Variants in SEL1L3 observed in about 807,000 individuals in gnomAD.
SEL1L3 encodes the protein protein sel-1 homolog 3.
In SEL1L3, 76 loss-of-function variants were observed where a neutral mutation model predicts 142.8. That is an observed-to-expected ratio of 0.53 (90% CI 0.44 to 0.64). SEL1L3 has a LOEUF of 0.64. Among genes scored for constraint, SEL1L3 ranks in the 30% least tolerant of loss-of-function variants. The probability of loss-of-function intolerance (pLI) is 0.00; values close to 1 mark genes in which losing one functional copy is unlikely to be tolerated. For missense variants in SEL1L3, 1,262 were observed against 1,381.7 expected (o/e 0.91, Z 1.37); for synonymous variants, 504 against 519.6 (o/e 0.97, Z 0.41).
At chr4:25,801,000 C>G (rs1470648284) in intron 11 of SEL1L3, among the ~76,000 whole-genome samples, 2 of 152,212 alleles carry the variant, frequency 1.3e-5, no homozygotes, top group Non-Finnish European at 2.9e-5. Context: ...AGGGGCAGAG[C>G]TGGGAACCAG....
chr4:25,862,958 C>T lies in SEL1L3; in HGVS notation c.-122G>A, dbSNP rs1717842520. ...GGCCGCCGCGCGCGGGGCCACCTGC[C>T]GCCACCTCCGGACCCGCCGCCGCCG... On this transcript the variant is annotated 5_prime_UTR_variant, in exon 1 of 24. Transcript: ENST00000399878. The T allele has an allele frequency of 3.1e-6, 2 of 636,654 alleles. No individual in the cohort carries two copies. The highest frequency in any genetic ancestry group is 3.9e-6 in the Non-Finnish European group (2 of 513,486). The allele number at this position is 636,654 out of a possible 1,614,324, so 39.4% of individuals were successfully genotyped here.
chr4:25,774,028 C>T (rs771944793), intron 17 of SEL1L3, among the ~76,000 whole-genome samples: 5 of 152,198 alleles, frequency 3.3e-5, no homozygotes, highest in Non-Finnish European at 7.3e-5. Context: ...CCTCTATTCA[C>T]CTTAGTTCAT....
Position 25,748,461 on chromosome 4 carries a change from C to G in SEL1L3, c.3363G>C (p.Gln1121His), listed in dbSNP as rs565674892. 7 of 1,611,778 alleles carry G rather than the reference C, an allele frequency of 4.3e-6. No individual in the cohort carries two copies. In the African/African-American group the frequency reaches 5.3e-5, roughly 12 times the overall value. Residue 1121 changes from glutamine to histidine, a missense_variant, in exon 24 of 24, where the codon CAG (glutamine) becomes CAC (histidine). Coordinates refer to ENST00000399878, the MANE Select transcript of SEL1L3 (RefSeq NM_015187.5). ...GCTCCGGGTTATTAGTTACTGTGGGCTGGTCTTGGTCAGAGGCATCTGCAG... is the reference window on the plus strand; with the variant it reads ...GCTCCGGGTTATTAGTTACTGTGGGGTGGTCTTGGTCAGAGGCATCTGCAG... ...TPAADASDQDQPTVTNNPEPR... is the reference protein window; with the variant it reads ...TPAADASDQDHPTVTNNPEPR...
At chr4:25,809,355 G>C (rs2109236036) in intron 9 of SEL1L3, among the ~76,000 whole-genome samples, 1 of 150,408 alleles carries the variant, frequency 6.6e-6, no homozygotes, top group East Asian at 2.0e-4. Context: ...ATGTTTGCCA[G>C]TCTGGTCTCG....
the SEL1L3 span, among the ~76,000 whole-genome samples, chr4:25,730,766 C>T: frequency 3.9e-5 from 6 of 152,118 alleles, no homozygotes; most frequent in East Asian, 9.6e-4. Context: ...CGGTGGCTCA[C>T]GCCTGTAATC....
At chr4:25,718,519 A>G in the SEL1L3 span, 1 of 152,330 alleles carries the variant, frequency 6.6e-6, no homozygotes, top group Middle Eastern at 3.4e-3. Context: ...GATTGCACCT[A>G]TAAAGCTTCA....
intron 23 of SEL1L3, among the ~76,000 whole-genome samples, chr4:25,755,408 G>C (rs779757595): frequency 1.1e-4 from 16 of 152,098 alleles, no homozygotes; most frequent in Admixed American, 5.2e-4. Context: ...TGGTCTCCTG[G>C]TCTTTATTTC....
intron 19 of SEL1L3, among the ~76,000 whole-genome samples, chr4:25,766,103 C>T (rs1718707883): frequency 6.6e-6 from 1 of 152,060 alleles, no homozygotes; most frequent in South Asian, 2.1e-4. Flanking sequence ...TTGCTTTAGC[C>T]ATGTATTTTA....
the SEL1L3 span, chr4:25,718,411 C>A: frequency 6.6e-6 from 1 of 152,076 alleles, no homozygotes; most frequent in South Asian, 2.1e-4. Context: ...TTGAAGCCCT[C>A]GGGTAAGTAA....
At chr4:25,833,171 G>T in intron 4 of SEL1L3, 61 bp from the exon 5 acceptor site, 1 of 969,238 alleles carries the variant, frequency 1.0e-6, no homozygotes, top group Non-Finnish European at 1.7e-6. Flanking sequence ...GAATGAAGTA[G>T]CTAGGCCTTT....
rs754306777 is a variant in SEL1L3 at position 25,835,232 on chromosome 4, C to T, written c.825G>A (p.Leu275=). ...KKFPRFRNRE[L]EATRRQRMDY... Reference sequence around the variant, plus strand: ...CCATCCTCTGGCGTCGAGTGGCCTCCAGCTCTCGGTTCCGAAACCTCGGGA... The same window carrying T: ...CCATCCTCTGGCGTCGAGTGGCCTCTAGCTCTCGGTTCCGAAACCTCGGGA... Residue 275 remains leucine, a synonymous_variant, in exon 3 of 24, where the codon CTG becomes CTA. Coordinates refer to ENST00000399878, the MANE Select transcript of SEL1L3 (RefSeq NM_015187.5). 3.7e-6 allele frequency: 6 copies of T among 1,614,042 alleles called. No homozygotes were observed. Among genetic ancestry groups the T allele is most frequent in the Non-Finnish European group, 5.1e-6 (6 of 1,179,896 alleles).
the SEL1L3 span, among the ~76,000 whole-genome samples, chr4:25,741,964 A>G: frequency 6.6e-6 from 1 of 151,724 alleles, no homozygotes; most frequent in Non-Finnish European, 1.5e-5. Context: ...ACCTGCCACC[A>G]TGCCCGGCTA....
Position 25,782,618 on chromosome 4 carries a change from C to T in SEL1L3, c.2281-200G>A, listed in dbSNP as rs543174518. Among the ~76,000 whole-genome samples the T allele has an allele frequency of 3.0e-4, 45 of 152,246 alleles. No individual in the cohort carries two copies. In the Middle Eastern group the frequency reaches 0.02, roughly 69 times the overall value. ...AGAGTCTTCCCAGGTGTGTTTCACC[C>T]GACTGCTGCTGGGATTCTGCCTTCC... On this transcript the variant is annotated intron_variant, in intron 14 of 23. Transcript: ENST00000399878.
At position 25,788,795 on chromosome 4, in the gene SEL1L3, C is replaced by T. The variant is rs1313186100; in HGVS notation, c.2077-431G>A. ...CTATAGCACTGATCTCTCATCTTATCATTTGTCTACATGGCTGGCTCCAAC... is the reference window on the plus strand; with the variant it reads ...CTATAGCACTGATCTCTCATCTTATTATTTGTCTACATGGCTGGCTCCAAC... On this transcript the variant is annotated intron_variant, in intron 12 of 23. Coordinates refer to ENST00000399878, the MANE Select transcript of SEL1L3 (RefSeq NM_015187.5). This position sits in a 1 kb window ranked among gnomAD's most constrained non-coding sequence, Gnocchi z 5.3. Among the ~76,000 whole-genome samples, 1 of 152,144 alleles carries T rather than the reference C, an allele frequency of 6.6e-6. No individual in the cohort carries two copies. Among genetic ancestry groups the T allele is most frequent in the East Asian group, 1.9e-4 (1 of 5,178 alleles).
At chr4:25,781,850 G>T (rs996028419) in intron 15 of SEL1L3, among the ~76,000 whole-genome samples, 1 of 152,174 alleles carries the variant, frequency 6.6e-6, no homozygotes, top group Non-Finnish European at 1.5e-5. Context: ...ATTAAAACTG[G>T]TTTCACACCA....
At position 25,830,031 on chromosome 4, in the gene SEL1L3, C is replaced by T. The variant is rs1445769270; in HGVS notation, c.1157+67G>A. ...TGTGGAATAACATTAGGGCTGAGGG[C>T]TAAAGTATGAAGATTCCTTAACTCG... On this transcript the variant is annotated intron_variant, in intron 6 of 23. Coordinates refer to ENST00000399878, the MANE Select transcript of SEL1L3 (RefSeq NM_015187.5). The T allele has an allele frequency of 2.3e-5, 23 of 994,874 alleles. No homozygotes were observed. In the East Asian group the frequency reaches 3.5e-4, roughly 15 times the overall value. The allele number at this position is 994,874 out of a possible 1,614,324, so 61.6% of individuals were successfully genotyped here.
At chr4:25,778,845 T>A (rs771866126) in intron 16 of SEL1L3, among the ~76,000 whole-genome samples, 2 of 151,684 alleles carry the variant, frequency 1.3e-5, no homozygotes, top group Non-Finnish European at 2.9e-5. Context: ...GAAAATAGAG[T>A]CTAGGGGTGG....
chr4:25,819,989 C>A, intron 7 of SEL1L3, 49 bp from the exon 8 acceptor site: 2 of 1,563,494 alleles, frequency 1.3e-6, no homozygotes, highest in Non-Finnish European at 1.7e-6. Flanking sequence ...CATCAAATAT[C>A]CATCCACCTC....
In SEL1L3 at chr4:25,833,576, G is replaced by T. The variant is rs56739732; in HGVS notation, c.861-7C>A. The T allele has an allele frequency of 6.3e-7, 1 of 1,597,664 alleles. No individual in the cohort carries two copies. ...CCACAATGAAACAGTAAACCTATAA[G>T]AGTGAGGGGGAAAAAAATTCTGCAG... On this transcript the variant is annotated splice_region_variant and splice_polypyrimidine_tract_variant and intron_variant, in intron 3 of 23. Transcript: ENST00000399878.
Sources: gnomAD v4.1 joint callset for allele counts (sites outside exome capture counted in the v4.1 genomes callset) on GRCh38, gnomAD v4.1.1 for gene constraint, Gnocchi (gnomAD v3.1) non-coding constraint, MANE v1.5 for transcripts, NCBI Gene and HGNC (gene_info 2026-07-23, HGNC 2026-07-21) for gene names.